BNC2: variants seen among roughly 807,000 people sequenced by gnomAD.
BNC2 encodes the protein basonuclin zinc finger protein 2, also known as zinc finger protein basonuclin-2.
BNC2 carries 20 observed loss-of-function variants against 76.3 expected under a neutral mutation model. The observed-to-expected ratio is 0.26, with a 90% CI of 0.18 to 0.38. BNC2 has a LOEUF of 0.38. Ranked by LOEUF, BNC2 falls within the 10% of genes least tolerant of loss-of-function variation. The pLI, the probability that BNC2 is intolerant of heterozygous loss-of-function variation, is 1.00. For synonymous variants in BNC2, 582 were observed against 514.8 expected (o/e 1.13, Z -1.77); for missense variants, 1,382 against 1,399.8 (o/e 0.99, Z 0.20).
At chr9:16,645,718 T>C (rs1412298739) in intron 3 of BNC2, among the ~76,000 whole-genome samples, 3 of 152,196 alleles carry the variant, frequency 2.0e-5, no homozygotes, top group Non-Finnish European at 4.4e-5. Context: ...GGATGTTAGA[T>C]TATATATAAA....
intron 3 of BNC2, among the ~76,000 whole-genome samples, chr9:16,704,412 G>A (rs897559862): frequency 2.0e-5 from 3 of 152,044 alleles, no homozygotes; most frequent in African/African-American, 7.2e-5. Flanking sequence ...TGCTCGTGTG[G>A]TTTCACAACA....
intron 3 of BNC2, among the ~76,000 whole-genome samples, chr9:16,605,940 C>T (rs886838885): frequency 4.6e-5 from 7 of 152,096 alleles, no homozygotes; most frequent in African/African-American, 1.4e-4. Flanking sequence ...CAGGTGCACA[C>T]CACCATGCCT....
intron 1 of BNC2, among the ~76,000 whole-genome samples, chr9:16,739,074 G>C (rs2135135941): frequency 6.6e-6 from 1 of 151,956 alleles, no homozygotes; most frequent in Admixed American, 6.6e-5. Context: ...CTCACACTGA[G>C]CGTAGATTAT....
chr9:16,467,846 T>TG (rs950677301), intron 5 of BNC2, among the ~76,000 whole-genome samples: 3 of 141,420 alleles, frequency 2.1e-5, no homozygotes, highest in African/African-American at 7.8e-5. Context: ...AAAAAAAAAT[T>TG]AAAAAAAAAA....
chr9:16,502,499 C>A (rs1444177677), intron 5 of BNC2, among the ~76,000 whole-genome samples: 1 of 151,946 alleles, frequency 6.6e-6, no homozygotes, highest in Non-Finnish European at 1.5e-5. Context: ...TTTGGGATAC[C>A]CTTGGGGACA....
chr9:16,740,438 A>G (rs1001906216), intron 1 of BNC2, among the ~76,000 whole-genome samples: 1 of 152,250 alleles, frequency 6.6e-6, no homozygotes, highest in Non-Finnish European at 1.5e-5. Flanking sequence ...AGTGTTCAAC[A>G]TAACATTCAT....
chr9:16,852,750 C>A (rs1357400699), intron 1 of BNC2, among the ~76,000 whole-genome samples: 1 of 152,052 alleles, frequency 6.6e-6, no homozygotes, highest in Non-Finnish European at 1.5e-5. Flanking sequence ...AAAGGACTGA[C>A]ATTCCAGAGG....
intron 1 of BNC2, among the ~76,000 whole-genome samples, chr9:16,810,293 G>A (rs1818014149): frequency 6.6e-6 from 1 of 152,144 alleles, no homozygotes. Flanking sequence ...TACCTTGGCA[G>A]GGGTGGGGCT....
chr9:16,747,400 G>C (rs554472311), intron 1 of BNC2, among the ~76,000 whole-genome samples: 1 of 152,288 alleles, frequency 6.6e-6, no homozygotes, highest in East Asian at 1.9e-4. Context: ...AATCATTCTG[G>C]AAGGGCACAG....
At chr9:16,670,211 C>T (rs72704089) in intron 3 of BNC2, among the ~76,000 whole-genome samples, 1 of 152,020 alleles carries the variant, frequency 6.6e-6, no homozygotes, top group Non-Finnish European at 1.5e-5. Flanking sequence ...TTGGAAAATG[C>T]CAGTAAAGAT....
chr9:16,523,487 AC>A (rs200617200), intron 5 of BNC2, among the ~76,000 whole-genome samples: 17 of 130,014 alleles, frequency 1.3e-4, no homozygotes, highest in East Asian at 6.5e-4. Context: ...AAAAAAAAAA[AC>A]AAAACAAAAA....
intron 5 of BNC2, among the ~76,000 whole-genome samples, chr9:16,532,623 T>C (rs937893479): frequency 6.6e-6 from 1 of 152,184 alleles, no homozygotes; most frequent in Non-Finnish European, 1.5e-5. Flanking sequence ...AATTAAATTT[T>C]AGAAACATGC....
intron 1 of BNC2, among the ~76,000 whole-genome samples, chr9:16,836,355 C>T (rs577224860): frequency 1.3e-4 from 19 of 151,828 alleles, no homozygotes; most frequent in Admixed American, 3.3e-4. Context: ...TGGAGTCAAA[C>T]GAATGCATAT....
chr9:16,762,307 G>A (rs986922587), intron 1 of BNC2, among the ~76,000 whole-genome samples: 47 of 152,240 alleles, frequency 3.1e-4, no homozygotes, highest in African/African-American at 1.0e-3. Flanking sequence ...CAATCATCTC[G>A]TACAAAATGC....
rs1431416345 is a variant in BNC2 at position 16,616,837 on chromosome 9, A to AAGGAAGGAAGGC, written c.331-33753_331-33752insGCCTTCCTTCCT. On this transcript the variant is annotated intron_variant, in intron 3 of 6. Coordinates refer to ENST00000380672, the MANE Select transcript of BNC2 (RefSeq NM_017637.6). ...GAAGGAAGAAAGGAAGGAAGGAAGG[A>AAGGAAGGAAGGC]AGTTCTACTGACACGTGGGAATTTC... is the stretch of plus-strand genomic sequence containing the variant. Among the ~76,000 whole-genome samples, 374 of 150,036 alleles carry AAGGAAGGAAGGC rather than the reference A, an allele frequency of 2.5e-3. 3 individuals carry two copies. Among genetic ancestry groups the AAGGAAGGAAGGC allele is most frequent in the African/African-American group, 8.5e-3 (350 of 41,004 alleles).
intron 1 of BNC2, among the ~76,000 whole-genome samples, chr9:16,824,835 G>A (rs775604531): frequency 2.6e-5 from 4 of 152,262 alleles, no homozygotes; most frequent in African/African-American, 4.8e-5. Flanking sequence ...GATACAAGAG[G>A]ACTGTTAGCC....
At chr9:16,781,539 C>G (rs554643894) in intron 1 of BNC2, among the ~76,000 whole-genome samples, 1 of 152,170 alleles carries the variant, frequency 6.6e-6, no homozygotes, top group South Asian at 2.1e-4. Context: ...GACGGGGTTT[C>G]GTTGTGTTGC....
At chr9:16,557,398 C>T (rs944712821) in intron 4 of BNC2, among the ~76,000 whole-genome samples, 1 of 152,010 alleles carries the variant, frequency 6.6e-6, no homozygotes, top group Non-Finnish European at 1.5e-5. Context: ...ACTTGGAAGG[C>T]TGAGGCAAGA....
intron 5 of BNC2, among the ~76,000 whole-genome samples, chr9:16,467,994 T>G (rs1821730121): frequency 6.6e-6 from 1 of 151,992 alleles, no homozygotes. Flanking sequence ...GATGCTGTTC[T>G]GTTACTGTGT....
Sources: gnomAD v4.1 joint callset for allele counts (sites outside exome capture counted in the v4.1 genomes callset) on GRCh38, gnomAD v4.1.1 for gene constraint, MANE v1.5 for transcripts, NCBI Gene and HGNC (gene_info 2026-07-23, HGNC 2026-07-21) for gene names.